Variants in TMEM132B observed in about 807,000 individuals in gnomAD.
TMEM132B encodes transmembrane protein 132B.
A neutral mutation model predicts 90.8 loss-of-function variants in TMEM132B; 18 were observed. The observed-to-expected ratio is 0.20, with a 90% confidence interval of 0.14 to 0.29. The LOEUF is 0.29. Ranked by LOEUF, TMEM132B falls within the 10% of genes least tolerant of loss-of-function variation. The pLI is 1.00. For synonymous variants in TMEM132B, 504 were observed against 523.3 expected (o/e 0.96, Z 0.50); for missense variants, 1,096 against 1,326.8 (o/e 0.83, Z 2.70).
intron 1 of TMEM132B, among the ~76,000 whole-genome samples, chr12:125,305,603 C>T (rs1875937423): frequency 6.6e-6 from 1 of 152,146 alleles, no homozygotes; most frequent in Admixed American, 6.5e-5. Flanking sequence ...TTTGTATTAA[C>T]ATGTCATTGC....
chr12:125,500,310 C>T (rs1882665290), intron 3 of TMEM132B, among the ~76,000 whole-genome samples: 1 of 152,218 alleles, frequency 6.6e-6, no homozygotes, highest in African/African-American at 2.4e-5. Context: ...GGGGGAATCT[C>T]TGGTGGGGAA....
chr12:125,237,757 G>A (rs766080269), intron 1 of TMEM132B, among the ~76,000 whole-genome samples: 7 of 152,200 alleles, frequency 4.6e-5, no homozygotes, highest in Admixed American at 6.5e-5. Context: ...CCACGTTGGC[G>A]TACTTAAAGT....
chr12:125,365,025 T>G (rs769712029), intron 2 of TMEM132B, among the ~76,000 whole-genome samples: 4 of 152,040 alleles, frequency 2.6e-5, no homozygotes, highest in Non-Finnish European at 2.9e-5. Context: ...TGTGCTAGTC[T>G]ATTAATATTT....
At chr12:125,639,941 G>A (rs1399896802) in intron 5 of TMEM132B, among the ~76,000 whole-genome samples, 1 of 152,188 alleles carries the variant, frequency 6.6e-6, no homozygotes, top group African/African-American at 2.4e-5. Flanking sequence ...ACGCCTCAAA[G>A]TCGGGGGGTC....
chr12:125,564,244 A>G lies in TMEM132B; in HGVS notation c.1294-19607A>G, dbSNP rs369945100. 6.6e-5 allele frequency among the ~76,000 whole-genome samples: 10 copies of G among 152,266 alleles called. No homozygotes were observed. In the East Asian group the frequency reaches 1.7e-3, roughly 26 times the overall value. On this transcript the variant is annotated intron_variant, in intron 4 of 8. Transcript: ENST00000682704. ...AATAAAATAGCAAATTGCTTATTTT[A>G]TATATTAATCAATGCTTATGTATAT...
intron 1 of TMEM132B, among the ~76,000 whole-genome samples, chr12:125,299,262 A>G (rs947093731): frequency 1.3e-5 from 2 of 151,806 alleles, no homozygotes; most frequent in Admixed American, 1.3e-4. Flanking sequence ...TCTCTCCAAC[A>G]CTCGGGTCTG....
At chr12:125,188,412 TC>T (rs1957772387) in intron 1 of TMEM132B, among the ~76,000 whole-genome samples, 1 of 152,158 alleles carries the variant, frequency 6.6e-6, no homozygotes, top group South Asian at 2.1e-4. Flanking sequence ...TGCAGTTTTG[TC>T]TCTATTTTGT....
chr12:125,578,698 G>T (rs1884987057), intron 4 of TMEM132B, among the ~76,000 whole-genome samples: 1 of 152,102 alleles, frequency 6.6e-6, no homozygotes, highest in Non-Finnish European at 1.5e-5. Context: ...TATTTTGAAA[G>T]ACAGGTTTTC....
At chr12:125,201,812 G>A (rs1436044263) in intron 1 of TMEM132B, among the ~76,000 whole-genome samples, 3 of 152,306 alleles carry the variant, frequency 2.0e-5, no homozygotes, top group East Asian at 1.9e-4. Flanking sequence ...TTTAACAAAT[G>A]TCAGCAACTG....
chr12:125,494,438 T>TGC (rs1882464136), intron 3 of TMEM132B, among the ~76,000 whole-genome samples: 1 of 93,102 alleles, frequency 1.1e-5, no homozygotes, highest in African/African-American at 4.3e-5. Flanking sequence ...GAAATGGCCG[T>TGC]GTCCCTCCTC....
intron 1 of TMEM132B, among the ~76,000 whole-genome samples, chr12:125,252,463 T>G (rs1874338837): frequency 1.3e-5 from 2 of 152,128 alleles, no homozygotes; most frequent in Admixed American, 6.5e-5. Context: ...AGAATCTGAT[T>G]GGCTCACCTA....
chr12:125,442,316 T>TTCCTAGGAA (rs1880897807), intron 3 of TMEM132B, among the ~76,000 whole-genome samples: 1 of 91,608 alleles, frequency 1.1e-5, no homozygotes, highest in African/African-American at 5.7e-5. Flanking sequence ...GACCATAGGA[T>TTCCTAGGAA]CAGGAATTTG....
chr12:125,604,946 G>T (rs1885657182), intron 5 of TMEM132B, among the ~76,000 whole-genome samples: 1 of 152,188 alleles, frequency 6.6e-6, no homozygotes, highest in African/African-American at 2.4e-5. Flanking sequence ...ACCCGCTTTA[G>T]TGCACAAGGA....
chr12:125,242,353 G>A (rs1874091100), intron 1 of TMEM132B, among the ~76,000 whole-genome samples: 1 of 152,152 alleles, frequency 6.6e-6, no homozygotes, highest in African/African-American at 2.4e-5. Context: ...GTCTTGCTAT[G>A]TTTTCCAGGC....
At chr12:125,436,532 C>T (rs150787293) in intron 3 of TMEM132B, among the ~76,000 whole-genome samples, 46 of 152,224 alleles carry the variant, frequency 3.0e-4, no homozygotes, top group African/African-American at 1.0e-3. Flanking sequence ...GGCAGAACGT[C>T]GCATGAAGAA....
chr12:125,322,131 C>T lies in TMEM132B; in HGVS notation c.68-27321C>T, dbSNP rs60356048. 3.3e-4 allele frequency among the ~76,000 whole-genome samples: 50 copies of T among 152,332 alleles called. No homozygotes were observed. In the East Asian group the frequency reaches 7.9e-3, roughly 24 times the overall value. On this transcript the variant is annotated intron_variant, in intron 1 of 8. Coordinates refer to ENST00000682704, the MANE Select transcript of TMEM132B (RefSeq NM_001366854.1). ...TGAATTATAGCTCTCATAATCCCCA[C>T]GTGTCGTGGGAGGGACCCGGTGAGA...
intron 1 of TMEM132B, among the ~76,000 whole-genome samples, chr12:125,248,448 A>G: frequency 6.6e-6 from 1 of 152,240 alleles, no homozygotes; most frequent in East Asian, 1.9e-4. Context: ...ACCAGGGGGC[A>G]TCAATGATTG....
intron 4 of TMEM132B, among the ~76,000 whole-genome samples, chr12:125,573,101 A>G (rs976998369): frequency 6.6e-5 from 10 of 151,972 alleles, no homozygotes; most frequent in African/African-American, 2.4e-4. Flanking sequence ...TTCTCTAAGG[A>G]GCTCTGTTTT....
Position 125,350,154 on chromosome 12 carries a change from C to T in TMEM132B, c.770C>T (p.Ala257Val), listed in dbSNP as rs749941536. 1.8e-5 allele frequency: 29 copies of T among 1,614,094 alleles called. No homozygotes were observed. In the East Asian group the frequency reaches 2.0e-4, roughly 11 times the overall value. Residue 257 changes from alanine to valine, a missense_variant, in exon 2 of 9, where the codon GCG becomes GTG. By Grantham distance (64) the Ala-to-Val change is moderately conservative. Coordinates refer to ENST00000682704, the MANE Select transcript of TMEM132B (RefSeq NM_001366854.1). ...TCGGGCCTGGAGAGCCCCCAGCAAG[C>T]GTTTCCAGCCCGAGAGAGGATTGGG... Reference protein sequence around the residue: ...IHSGLESPQQAFPARERIGSV... With the variant: ...IHSGLESPQQVFPARERIGSV...
Sources: gnomAD v4.1 joint callset for allele counts (sites outside exome capture counted in the v4.1 genomes callset) on GRCh38, gnomAD v4.1.1 for gene constraint, MANE v1.5 for transcripts, NCBI Gene and HGNC (gene_info 2026-07-23, HGNC 2026-07-21) for gene names.